The following UXS1 variants were observed in gnomAD, a reference collection of about 807,000 sequenced individuals.
UXS1 encodes the protein UDP-glucuronate decarboxylase 1.
Under a neutral mutation model 62.6 loss-of-function variants are expected in UXS1, and 33 were observed. The ratio of observed to expected loss-of-function variants is 0.53; its 90% CI spans 0.40 to 0.70. UXS1 has a LOEUF of 0.70. Ranked by LOEUF, UXS1 falls within the 30% of genes least tolerant of loss-of-function variation. The pLI, the probability that UXS1 is intolerant of heterozygous loss-of-function variation, is 0.00. For synonymous variants in UXS1, 213 were observed against 206.8 expected (o/e 1.03, Z -0.26); for missense variants, 434 against 556.3 (o/e 0.78, Z 2.21).
rs1261724081 is a variant in UXS1, at chr2:106,145,193, C to T, written c.469G>A (p.Glu157Lys). The change falls in exon 6 of 15, where the codon GAG (glutamate) becomes AAG (lysine). Residue 157 changes from glutamate (E) to lysine (K), a missense_variant. Physicochemically the swap from Glu to Lys is moderately conservative, Grantham distance 56. This residue lies in a region of UXS1 where 134 missense variants were observed against 251.9 expected (regional missense o/e 0.53). Transcript: ENST00000283148. ...ACAATGTGCAGTTTTCACTCACCCT[C>T]GATGTAGAGGGGCTCCACCACGTCG... ...NHDVVEPLYI[E>K]VDQIYHLASP... 3 of 1,612,638 alleles carry T rather than the reference C, an allele frequency of 1.9e-6. No homozygotes were observed. The highest frequency in any genetic ancestry group is 2.5e-6 in the Non-Finnish European group (3 of 1,179,188).
intron 1 of UXS1, among the ~76,000 whole-genome samples, chr2:106,193,641 G>C (rs1685078680): frequency 2.6e-5 from 4 of 152,140 alleles, no homozygotes; most frequent in Admixed American, 2.0e-4. Flanking sequence ...GCCCACACTT[G>C]GCTCCCCAAG....
chr2:106,178,536 GTC>G (rs1684039680), intron 1 of UXS1, among the ~76,000 whole-genome samples: 2 of 152,144 alleles, frequency 1.3e-5, no homozygotes, highest in African/African-American at 2.4e-5. Context: ...ATATGTATGT[GTC>G]TGTAAATATA....
rs142461779 is a variant in UXS1 at position 106,185,730 on chromosome 2, G to C, written c.94+8418C>G. The stretch of plus-strand genomic sequence containing the variant: ...GATCTCAAGACAAAAAGATCATCCC[G>C]GATTATCCAGTTGGGCTCTAAATCT... On this transcript the variant is annotated intron_variant, in intron 1 of 14. Coordinates refer to ENST00000283148, the MANE Select transcript of UXS1 (RefSeq NM_001253875.2). Among the ~76,000 whole-genome samples, 49 of 152,236 alleles carry C rather than the reference G, an allele frequency of 3.2e-4. No individual in the cohort carries two copies. In the East Asian group the frequency reaches 4.6e-3, roughly 14 times the overall value.
chr2:106,166,021 C>G, intron 2 of UXS1, 35 bp downstream of exon 2: 1 of 1,600,382 alleles, frequency 6.2e-7, no homozygotes, highest in Non-Finnish European at 8.5e-7. Flanking sequence ...TCTATAAAAT[C>G]CAACCACAGT....
At chr2:106,166,204 GACA>G in intron 1 of UXS1, 121 bp from the exon 2 acceptor site, 1 of 960,338 alleles carries the variant, frequency 1.0e-6, no homozygotes, top group Non-Finnish European at 1.5e-6. Context: ...AACTTACGAA[GACA>G]ACAAAATGCA....
intron 10 of UXS1, among the ~76,000 whole-genome samples, chr2:106,111,984 C>T (rs1678653870): frequency 6.6e-6 from 1 of 152,196 alleles, no homozygotes; most frequent in Non-Finnish European, 1.5e-5. Context: ...GCCGGCAGAG[C>T]CTCTCACCAG....
chr2:106,157,274 T>TC (rs1423941595), intron 5 of UXS1, among the ~76,000 whole-genome samples: 1 of 7,592 alleles, frequency 1.3e-4, no homozygotes, highest in East Asian at 0.071. Flanking sequence ...AAGCTGTTAC[T>TC]TTAAAAAAAA....
chr2:106,116,123 G>A (rs182770093), intron 9 of UXS1, among the ~76,000 whole-genome samples: 189 of 152,336 alleles, frequency 1.2e-3, no homozygotes, highest in African/African-American at 4.0e-3. Context: ...TGACAGGCAA[G>A]AGGTGACCCA....
chr2:106,184,726 A>G (rs1684456223), intron 1 of UXS1, among the ~76,000 whole-genome samples: 1 of 152,202 alleles, frequency 6.6e-6, no homozygotes, highest in Middle Eastern at 3.2e-3. Context: ...TCTTAATGCC[A>G]TCACTTCAAG....
chr2:106,101,247 G>T, intron 11 of UXS1, 129 bp from the exon 12 acceptor site: 3 of 888,972 alleles, frequency 3.4e-6, no homozygotes, highest in South Asian at 3.7e-5. Context: ...ATGGAAAATT[G>T]AATGTCGAAA....
At chr2:106,098,869 G>A (rs571256431) in intron 12 of UXS1, 96 bp from the exon 13 acceptor site, 24 of 1,104,872 alleles carry the variant, frequency 2.2e-5, no homozygotes, top group East Asian at 7.6e-5. Context: ...TCTACTGGCC[G>A]AGTCTGACCT....
intron 1 of UXS1, among the ~76,000 whole-genome samples, chr2:106,186,457 T>TACAC (rs55995858): frequency 0.014 from 2,077 of 148,788 alleles, 52 homozygotes; most frequent in African/African-American, 0.048. Flanking sequence ...TATATATATA[T>TACAC]ACACACACAC....
At chr2:106,131,053 C>G (rs1351762346) in intron 6 of UXS1, among the ~76,000 whole-genome samples, 1 of 150,060 alleles carries the variant, frequency 6.7e-6, no homozygotes, top group Non-Finnish European at 1.5e-5. Context: ...GTGCGCGCAC[C>G]GTGCGCGAGC....
chr2:106,158,349 T>C (rs562017999), intron 4 of UXS1, among the ~76,000 whole-genome samples: 200 of 152,242 alleles, frequency 1.3e-3, no homozygotes, highest in African/African-American at 4.3e-3. Flanking sequence ...TGAGATTCTA[T>C]CTCTGAGAAG....
At chr2:106,147,955 A>G (rs1055858701) in intron 5 of UXS1, among the ~76,000 whole-genome samples, 5 of 152,248 alleles carry the variant, frequency 3.3e-5, no homozygotes, top group Non-Finnish European at 7.3e-5. Flanking sequence ...TGGTTAAGAC[A>G]GGATGGGTGA....
chr2:106,174,493 CTGAGA>C (rs1358023150), intron 1 of UXS1, among the ~76,000 whole-genome samples: 23 of 152,208 alleles, frequency 1.5e-4, no homozygotes, highest in Non-Finnish European at 3.4e-4. Flanking sequence ...GGAGGATGGT[CTGAGA>C]TAAGTACATG....
At chr2:106,142,369 AT>A (rs577517300) in intron 6 of UXS1, among the ~76,000 whole-genome samples, 62 of 152,324 alleles carry the variant, frequency 4.1e-4, no homozygotes, top group Non-Finnish European at 4.4e-4. Flanking sequence ...TAATTCTTTC[AT>A]TTAGTTCAAA....
intron 10 of UXS1, among the ~76,000 whole-genome samples, chr2:106,109,926 A>T (rs954142407): frequency 1.3e-5 from 2 of 152,346 alleles, no homozygotes; most frequent in African/African-American, 4.8e-5. Context: ...AATGTAGCAG[A>T]AAAGGAAATA....
chr2:106,101,014 A>G (rs1391097175), intron 12 of UXS1, 44 bp downstream of exon 12: 8 of 1,612,218 alleles, frequency 5.0e-6, no homozygotes, highest in East Asian at 2.2e-5. Context: ...CAAATGAACG[A>G]AAGTCTGAGC....
Sources: allele counts gnomAD v4.1 joint callset (sites outside exome capture counted in the v4.1 genomes callset), GRCh38; gene constraint gnomAD v4.1.1; regional missense constraint gnomAD v4.1.1; transcripts MANE v1.5; gene names NCBI Gene and HGNC (gene_info 2026-07-23, HGNC 2026-07-21).